TENM3: variants seen among roughly 807,000 people sequenced by gnomAD.
TENM3 encodes the protein teneurin-3.
Under a neutral mutation model 255.1 loss-of-function variants are expected in TENM3, and 63 were observed. The observed-to-expected ratio is 0.25, with a 90% CI of 0.20 to 0.30. The LOEUF (loss-of-function observed/expected upper bound fraction) is 0.30. Among genes scored for constraint, TENM3 ranks in the 10% least tolerant of loss-of-function variants. The pLI is 1.00. For synonymous variants in TENM3, 1,306 were observed against 1,322.3 expected, an observed-to-expected ratio of 0.99 and a Z score of 0.27; for missense variants, 2,929 against 3,461.1, an observed-to-expected ratio of 0.85 and a Z score of 3.86.
At chr4:181,966,359 T>C in the TENM3 span, among the ~76,000 whole-genome samples, 325 of 152,250 alleles carry the variant, frequency 2.1e-3, 1 homozygote, top group African/African-American at 7.3e-3. Context: ...AGCCATATGG[T>C]GGAGTATTTT....
At chr4:181,965,336 CTCTG>C in the TENM3 span, among the ~76,000 whole-genome samples, 2 of 152,178 alleles carry the variant, frequency 1.3e-5, no homozygotes, top group Non-Finnish European at 2.9e-5. Context: ...ACAACAAAAG[CTCTG>C]AATATTTTAA....
the TENM3 span, among the ~76,000 whole-genome samples, chr4:181,787,766 T>G: frequency 2.6e-5 from 4 of 152,170 alleles, no homozygotes; most frequent in African/African-American, 9.7e-5. Context: ...CAAGATGTCC[T>G]GCCTTTTTGG....
At chr4:182,626,648 G>C (rs1292963137) in intron 4 of TENM3, among the ~76,000 whole-genome samples, 1 of 152,148 alleles carries the variant, frequency 6.6e-6, no homozygotes, top group Non-Finnish European at 1.5e-5. Flanking sequence ...TTAATAACCA[G>C]GCTGAATATG....
chr4:182,161,271 C>CCATGCGTGGTGG (rs1751141699), intron 1 of TENM3, among the ~76,000 whole-genome samples: 1 of 139,322 alleles, frequency 7.2e-6, no homozygotes, highest in African/African-American at 2.7e-5. Flanking sequence ...AAAAAATTAG[C>CCATGCGTGGTGG]CGGGCGTGGT....
At chr4:181,958,536 G>T in the TENM3 span, among the ~76,000 whole-genome samples, 1 of 152,080 alleles carries the variant, frequency 6.6e-6, no homozygotes, top group African/African-American at 2.4e-5. Flanking sequence ...TAATAATTTT[G>T]TAAAATTCCT....
the TENM3 span, among the ~76,000 whole-genome samples, chr4:182,053,332 A>G: frequency 6.6e-6 from 1 of 152,224 alleles, no homozygotes; most frequent in Admixed American, 6.5e-5. Flanking sequence ...TAGTGGATAC[A>G]CAATGAGTAG....
chr4:182,508,930 A>C (rs1047036268), intron 3 of TENM3, among the ~76,000 whole-genome samples: 12 of 152,232 alleles, frequency 7.9e-5, no homozygotes, highest in African/African-American at 2.9e-4. Flanking sequence ...ACGTCCAGTA[A>C]ATTTTCTTTT....
chr4:182,324,001 GCACA>G lies in TENM3; in HGVS notation c.-17_-14del. The G allele has an allele frequency of 6.2e-7, 1 of 1,604,452 alleles. No homozygotes were observed. ...AAGTTGTCACCAGCAGGACTGATGT[GCACA>G]CAGAAGGAATGAAGTATGGATGTGA... is the stretch of plus-strand genomic sequence containing the variant. On this transcript the variant is annotated 5_prime_UTR_variant, in exon 2 of 28. An upstream open reading frame in the 5' UTR loses its in-frame stop. Transcript: ENST00000511685.
the TENM3 span, among the ~76,000 whole-genome samples, chr4:182,138,977 C>A: frequency 2.6e-5 from 4 of 152,062 alleles, no homozygotes; most frequent in African/African-American, 9.7e-5. Context: ...ATGACATACC[C>A]CTGTTTAAAA....
intron 1 of TENM3, among the ~76,000 whole-genome samples, chr4:182,295,047 A>AT (rs1761377068): frequency 6.6e-6 from 1 of 151,782 alleles, no homozygotes; most frequent in Non-Finnish European, 1.5e-5. Context: ...AAGAATTGGG[A>AT]TTTTCTGCTC....
intron 1 of TENM3, among the ~76,000 whole-genome samples, chr4:182,286,311 T>G (rs1467671465): frequency 6.6e-6 from 1 of 152,234 alleles, no homozygotes; most frequent in African/African-American, 2.4e-5. Context: ...CAATTTTCTT[T>G]TCCCTTCTCA....
At chr4:182,160,285 AGCCACCGC>A (rs1277346759) in intron 1 of TENM3, among the ~76,000 whole-genome samples, 1 of 152,090 alleles carries the variant, frequency 6.6e-6, no homozygotes, top group African/African-American at 2.4e-5. Flanking sequence ...TACAGGCGTG[AGCCACCGC>A]GCCCGCCTAT....
chr4:182,476,935 A>G (rs891423223), intron 3 of TENM3, among the ~76,000 whole-genome samples: 1 of 152,312 alleles, frequency 6.6e-6, no homozygotes, highest in East Asian at 1.9e-4. Context: ...TCTAAACCCA[A>G]TTGAAATGAG....
At chr4:181,802,981 G>A in the TENM3 span, among the ~76,000 whole-genome samples, 1 of 152,134 alleles carries the variant, frequency 6.6e-6, no homozygotes, top group African/African-American at 2.4e-5. Context: ...ATCTGGATGA[G>A]CATATCATTA....
rs1245500764 is a variant in TENM3, at chr4:182,793,965, T to C, written c.7213+80T>C. 1 of 1,302,952 alleles carries C rather than the reference T, an allele frequency of 7.7e-7. No homozygotes were observed. The highest frequency in any genetic ancestry group is 2.5e-5 in the East Asian group (1 of 40,338). 80.7% of individuals were successfully genotyped at this position (1,302,952 alleles called of 1,614,324 possible). On this transcript the variant is annotated intron_variant, in intron 26 of 27. Transcript: ENST00000511685. The surrounding 1 kb of genome is among the most constrained non-coding windows in gnomAD (Gnocchi z 5.7). Reference sequence around the variant, plus strand: ...ACACAAAATAACTGGAAATGCTTTTTTAAAAAACTTTATACTTTACTCAGG... The same window carrying C: ...ACACAAAATAACTGGAAATGCTTTTCTAAAAAACTTTATACTTTACTCAGG...
chr4:182,687,812 T>C (rs1344322786), intron 11 of TENM3, among the ~76,000 whole-genome samples: 1 of 152,074 alleles, frequency 6.6e-6, no homozygotes, highest in African/African-American at 2.4e-5. Flanking sequence ...GGGGACATGT[T>C]TTCTTGGTGA....
At chr4:182,731,834 T>C (rs1183420467) in intron 16 of TENM3, among the ~76,000 whole-genome samples, 2 of 150,688 alleles carry the variant, frequency 1.3e-5, no homozygotes, top group Non-Finnish European at 3.0e-5. Flanking sequence ...CAGGCTGGAG[T>C]GCAGTGGCAC....
At chr4:182,275,857 C>G (rs1438661559) in intron 1 of TENM3, among the ~76,000 whole-genome samples, 1 of 152,168 alleles carries the variant, frequency 6.6e-6, no homozygotes, top group Non-Finnish European at 1.5e-5. Context: ...GGATGGACCA[C>G]TTGAGCCCAG....
chr4:182,402,315 T>C (rs189690072), intron 3 of TENM3, among the ~76,000 whole-genome samples: 1 of 152,318 alleles, frequency 6.6e-6, no homozygotes, highest in Non-Finnish European at 1.5e-5. Flanking sequence ...GGGCAAAATA[T>C]TATGTTTGGG....
Sources: gnomAD v4.1 joint callset for allele counts (sites outside exome capture counted in the v4.1 genomes callset) on GRCh38, gnomAD v4.1.1 for gene constraint, Gnocchi (gnomAD v3.1) non-coding constraint, MANE v1.5 for transcripts, NCBI Gene and HGNC (gene_info 2026-07-23, HGNC 2026-07-21) for gene names.